The following SMARCA4 variants were observed in gnomAD, a reference collection of about 807,000 sequenced individuals.
The protein encoded by SMARCA4 is SWI/SNF related BAF chromatin remodeling complex subunit ATPase 4.
In SMARCA4, 31 loss-of-function variants were observed where a neutral mutation model predicts 193.9. That is an observed-to-expected ratio of 0.16 (90% CI 0.12 to 0.22). SMARCA4 has a LOEUF of 0.22. Among genes scored for constraint, SMARCA4 ranks in the 10% least tolerant of loss-of-function variants. SMARCA4 has a pLI of 1.00. For missense variants in SMARCA4, 1,148 were observed against 2,296.0 expected (o/e 0.50, Z 10.22); for synonymous variants, 942 against 933.1 (o/e 1.01, Z -0.17).
rs765269914 is a variant in SMARCA4, at chr19:11,019,552, G to A, written c.2506-39G>A. On this transcript the variant is annotated intron_variant, in intron 17 of 34. Coordinates refer to ENST00000344626, the MANE Select transcript of SMARCA4 (RefSeq NM_003072.5). This position sits in a 1 kb window ranked among gnomAD's most constrained non-coding sequence, Gnocchi z 6.1. ...GCCCCTCTTGCCACCTGGCCACCCGGCTCCAAAAGCCGAGCTGTGCATCCT... is the reference window on the plus strand; with the variant it reads ...GCCCCTCTTGCCACCTGGCCACCCGACTCCAAAAGCCGAGCTGTGCATCCT... The A allele has an allele frequency of 7.0e-7, 1 of 1,437,398 alleles. No individual in the cohort carries two copies. The allele number at this position is 1,437,398 out of a possible 1,614,324, so 89.0% of individuals were successfully genotyped here.
Position 10,994,965 on chromosome 19 carries a change from C to T in SMARCA4, c.1557C>T (p.Asn519=), listed in dbSNP as rs2288845. The T allele has an allele frequency of 2.8e-4, 445 of 1,613,846 alleles. 3 individuals are homozygous for T. In the East Asian group the frequency reaches 7.2e-3, roughly 26 times the overall value. ...ANTEREQKKE[N]ERIEKERMRR... Reference sequence around the variant, plus strand: ...CGGAGCGGGAGCAGAAGAAAGAGAACGAGCGGATCGAGAAGGAGCGCATGC... The same window carrying T: ...CGGAGCGGGAGCAGAAGAAAGAGAATGAGCGGATCGAGAAGGAGCGCATGC... The change falls in exon 9 of 35, where the codon AAC becomes AAT. Residue 519 remains asparagine, a synonymous_variant. Transcript: ENST00000344626.
At chr19:10,966,286 G>A (rs886559355) in intron 1 of SMARCA4, among the ~76,000 whole-genome samples, 1 of 152,012 alleles carries the variant, frequency 6.6e-6, no homozygotes, top group East Asian at 1.9e-4. Flanking sequence ...GCCCGGCCAG[G>A]TTTTTAAAAA....
Position 11,033,691 on chromosome 19 carries a change from G to GT in SMARCA4, c.3775-67dup, listed in dbSNP as rs1204899762. On this transcript the variant is annotated intron_variant, in intron 26 of 34. Coordinates refer to ENST00000344626, the MANE Select transcript of SMARCA4 (RefSeq NM_003072.5). This position sits in a 1 kb window ranked among gnomAD's most constrained non-coding sequence, Gnocchi z 9.8. ...GAGTACTTGCTTTTTCTTTGAAGTGGTTTTTTTTTCTAAACTGCTGGTGAA... is the reference window on the plus strand; with the variant it reads ...GAGTACTTGCTTTTTCTTTGAAGTGGTTTTTTTTTTCTAAACTGCTGGTGAA... 161 of 772,716 alleles carry GT rather than the reference G, an allele frequency of 2.1e-4. No homozygotes were observed. Among genetic ancestry groups the GT allele is most frequent in the Non-Finnish European group, 2.2e-4 (93 of 417,892 alleles). 47.9% of individuals were successfully genotyped at this position (772,716 alleles called of 1,614,324 possible).
At chr19:11,053,493 G>A (rs1007232516) in intron 30 of SMARCA4, among the ~76,000 whole-genome samples, 2 of 150,908 alleles carry the variant, frequency 1.3e-5, no homozygotes, top group African/African-American at 4.9e-5. Flanking sequence ...TCTCAGTGTC[G>A]ATAAATGAAG....
chr19:11,031,185 A>T lies in SMARCA4; in HGVS notation c.3546+292A>T. 1 of 445,886 alleles carries T rather than the reference A, an allele frequency of 2.2e-6. No homozygotes were observed. The highest frequency in any genetic ancestry group is 6.5e-4 in the Middle Eastern group (1 of 1,530). The allele number at this position is 445,886 out of a possible 1,614,324, so 27.6% of individuals were successfully genotyped here. A position where few individuals can be genotyped will look rare whatever the true frequency, so the allele number is the denominator to read the frequency against. On this transcript the variant is annotated intron_variant, in intron 25 of 34. Transcript: ENST00000344626. The surrounding 1 kb of genome is among the most constrained non-coding windows in gnomAD (Gnocchi z 4.3). Reference sequence around the variant, plus strand: ...GAATGGCACCCATGAGGAGGTGGAAAGTATCCTGATCAATCTGCGCCGTCA... The same window carrying T: ...GAATGGCACCCATGAGGAGGTGGAATGTATCCTGATCAATCTGCGCCGTCA...
At chr19:10,964,173 G>A (rs1321386099) in intron 1 of SMARCA4, among the ~76,000 whole-genome samples, 1 of 152,016 alleles carries the variant, frequency 6.6e-6, no homozygotes, top group Non-Finnish European at 1.5e-5. Flanking sequence ...ATTTATTTGT[G>A]TACCTTTGCT....
At chr19:10,982,826 A>G (rs1200192966) in intron 1 of SMARCA4, among the ~76,000 whole-genome samples, 1 of 152,188 alleles carries the variant, frequency 6.6e-6, no homozygotes, top group East Asian at 1.9e-4. Context: ...TTTTTAAATC[A>G]AGAGAATTAA....
chr19:11,042,205 C>T (rs2075658804), intron 30 of SMARCA4, among the ~76,000 whole-genome samples: 1 of 152,228 alleles, frequency 6.6e-6, no homozygotes, highest in Non-Finnish European at 1.5e-5. Context: ...GGCCACGGCC[C>T]AGCGGCGGAT....
At chr19:11,028,681 C>CT (rs2090432065) in intron 24 of SMARCA4, among the ~76,000 whole-genome samples, 1 of 152,262 alleles carries the variant, frequency 6.6e-6, no homozygotes, top group African/African-American at 2.4e-5. Context: ...GTTTCTGCGC[C>CT]TGCCTGCCCC....
chr19:10,974,118 G>A (rs1034730974), intron 1 of SMARCA4, among the ~76,000 whole-genome samples: 1 of 152,146 alleles, frequency 6.6e-6, no homozygotes, highest in African/African-American at 2.4e-5. Flanking sequence ...CTCATGCAAG[G>A]TGAAAACAAC....
In SMARCA4 at chr19:10,986,799, A is replaced by C; in HGVS notation, c.761-106A>C. On this transcript the variant is annotated intron_variant, in intron 4 of 34. Coordinates refer to ENST00000344626, the MANE Select transcript of SMARCA4 (RefSeq NM_003072.5). This position sits in a 1 kb window ranked among gnomAD's most constrained non-coding sequence, Gnocchi z 6.7. Reference sequence around the variant, plus strand: ...CCGCTTCCCCTGGGGCCGCTGGTTAATAGGTGTATCTGCTGTGTCCCCTGG... The same window carrying C: ...CCGCTTCCCCTGGGGCCGCTGGTTACTAGGTGTATCTGCTGTGTCCCCTGG... The C allele has an allele frequency of 8.0e-7, 1 of 1,243,506 alleles. No individual in the cohort carries two copies. Among genetic ancestry groups the C allele is most frequent in the Non-Finnish European group, 1.2e-6 (1 of 855,196 alleles). 77.0% of individuals were successfully genotyped at this position (1,243,506 alleles called of 1,614,324 possible).
At chr19:11,000,687 T>A (rs2087546812) in intron 11 of SMARCA4, among the ~76,000 whole-genome samples, 1 of 151,986 alleles carries the variant, frequency 6.6e-6, no homozygotes, top group Non-Finnish European at 1.5e-5. Flanking sequence ...GAGACCAGTC[T>A]GGCCAGTATG....
At chr19:10,972,087 G>A (rs188823812) in intron 1 of SMARCA4, among the ~76,000 whole-genome samples, 17 of 151,998 alleles carry the variant, frequency 1.1e-4, no homozygotes, top group Non-Finnish European at 2.1e-4. Flanking sequence ...CCCACACCGA[G>A]TAGCTGGGAT....
Position 10,984,071 on chromosome 19 carries a change from CT to C in SMARCA4, c.-31-49del. ...ATGATTGTCCCTTGCTATCCCTGTC[CT>C]GCCTCGCCCTTGGTCATGAACCCCA... On this transcript the variant is annotated intron_variant, in intron 1 of 34. Transcript: ENST00000344626. This position sits in a 1 kb window ranked among gnomAD's most constrained non-coding sequence, Gnocchi z 4.3. 3 of 1,489,554 alleles carry C rather than the reference CT, an allele frequency of 2.0e-6. No homozygotes were observed. Among genetic ancestry groups the C allele is most frequent in the Non-Finnish European group, 2.8e-6 (3 of 1,070,424 alleles). 92.3% of individuals were successfully genotyped at this position (1,489,554 alleles called of 1,614,324 possible).
chr19:11,006,740 A>G (rs1364952279), intron 13 of SMARCA4, among the ~76,000 whole-genome samples: 3 of 152,122 alleles, frequency 2.0e-5, no homozygotes, highest in Non-Finnish European at 4.4e-5. Flanking sequence ...AGAGATATGG[A>G]GTCTACTTCT....
chr19:11,016,729 T>A (rs549901861), intron 16 of SMARCA4, among the ~76,000 whole-genome samples: 21 of 152,284 alleles, frequency 1.4e-4, no homozygotes, highest in Admixed American at 6.5e-4. Flanking sequence ...GCTGGGTTTT[T>A]TTTGTTTTGT....
chr19:10,981,702 G>A (rs1316424217), intron 1 of SMARCA4, among the ~76,000 whole-genome samples: 2 of 152,174 alleles, frequency 1.3e-5, no homozygotes, highest in African/African-American at 4.8e-5. Flanking sequence ...ATGGCTGGGT[G>A]CAGTGTCTCA....
At chr19:11,004,971 A>G (rs2146137839) in intron 13 of SMARCA4, among the ~76,000 whole-genome samples, 1 of 151,990 alleles carries the variant, frequency 6.6e-6, no homozygotes, top group Non-Finnish European at 1.5e-5. Flanking sequence ...TCCCGGGACT[A>G]CAGGTGCATG....
chr19:11,042,049 T>C (rs1293731048), intron 30 of SMARCA4, among the ~76,000 whole-genome samples: 1 of 152,114 alleles, frequency 6.6e-6, no homozygotes, highest in African/African-American at 2.4e-5. Context: ...CTCCTGTCCT[T>C]GCACCCTCCC....
Sources: gnomAD v4.1 joint callset for allele counts (sites outside exome capture counted in the v4.1 genomes callset) on GRCh38, gnomAD v4.1.1 for gene constraint, Gnocchi (gnomAD v3.1) non-coding constraint, MANE v1.5 for transcripts, NCBI Gene and HGNC (gene_info 2026-07-23, HGNC 2026-07-21) for gene names.